Variants in MCPH1 observed in about 807,000 individuals in gnomAD.
MCPH1 encodes microcephalin.
In MCPH1, 104 loss-of-function variants were observed where a neutral mutation model predicts 84.5. The observed-to-expected ratio is 1.23, with a 90% CI of 1.05 to 1.45. MCPH1 has a LOEUF of 1.45. Ranked by LOEUF, MCPH1 falls within the 40% of genes most tolerant of loss-of-function variation. MCPH1 has a pLI of 0.00. For missense variants in MCPH1, 1,498 were observed against 1,005.7 expected (o/e 1.49, Z -6.62); for synonymous variants, 514 against 366.8 (o/e 1.40, Z -4.58).
chr8:6,489,462 A>G (rs1443899853), intron 11 of MCPH1, among the ~76,000 whole-genome samples: 1 of 152,204 alleles, frequency 6.6e-6, no homozygotes, highest in African/African-American at 2.4e-5. Flanking sequence ...AAGAGGAGAC[A>G]GAAGCCACTG....
rs1322488368 is a variant in MCPH1 at position 6,645,432 on chromosome 8, A to C, written c.*2383A>C. On this transcript the variant is annotated 3_prime_UTR_variant, in exon 14 of 14. Transcript: ENST00000344683. ...AGAGGTTCTCAGGATTCTGAATTTT[A>C]AAAAAAATTTGTAAAGGCTTATGGC... is the stretch of plus-strand genomic sequence containing the variant. 6.6e-6 allele frequency: 1 copy of C among 151,914 alleles called. No homozygotes were observed. The highest frequency in any genetic ancestry group is 1.5e-5 in the Non-Finnish European group (1 of 67,948). The allele number at this position is 151,914 out of a possible 1,614,324, so 9.4% of individuals were successfully genotyped here. A position where few individuals can be genotyped will look rare whatever the true frequency, so the allele number is the denominator to read the frequency against.
At chr8:6,589,943 G>A (rs868462851) in intron 12 of MCPH1, among the ~76,000 whole-genome samples, 1 of 152,170 alleles carries the variant, frequency 6.6e-6, no homozygotes, top group Non-Finnish European at 1.5e-5. Flanking sequence ...TAAAAGACTA[G>A]TTTTACTCTA....
At chr8:6,625,626 C>T in intron 13 of MCPH1, 1 of 985,216 alleles carries the variant, frequency 1.0e-6, no homozygotes, top group South Asian at 4.7e-5. Flanking sequence ...AAGGTAGGGT[C>T]CCTGAGCGTC....
intron 12 of MCPH1, among the ~76,000 whole-genome samples, chr8:6,504,142 C>T (rs1352345320): frequency 6.6e-6 from 1 of 151,880 alleles, no homozygotes; most frequent in Non-Finnish European, 1.5e-5. Context: ...CACGGTGAAA[C>T]CCCGTCTCTA....
chr8:6,444,341 T>C (rs1030553825), intron 7 of MCPH1, 52 bp from the exon 8 acceptor site: 2 of 1,607,758 alleles, frequency 1.2e-6, no homozygotes, highest in Admixed American at 1.7e-5. Context: ...AAGTTGAATA[T>C]AGAATAATTT....
At chr8:6,477,453 T>A (rs972475984) in intron 9 of MCPH1, 141 bp from the exon 10 acceptor site, 1 of 710,646 alleles carries the variant, frequency 1.4e-6, no homozygotes, top group East Asian at 2.7e-5. Context: ...AATATAAAGG[T>A]TTTTTTTCTT....
Position 6,624,211 on chromosome 8 carries a change from T to C in MCPH1, c.2452+2520T>C, listed in dbSNP as rs548954415. 3.3e-5 allele frequency among the ~76,000 whole-genome samples: 5 copies of C among 152,392 alleles called. No individual in the cohort carries two copies. The East Asian group carries it at 9.6e-4, about 29-fold the overall frequency. ...TCCCGCAAAGCCCTTCAGAGTTCTCTGACTTCCAGGCCTGGGCCACAGGCC... is the reference window on the plus strand; with the variant it reads ...TCCCGCAAAGCCCTTCAGAGTTCTCCGACTTCCAGGCCTGGGCCACAGGCC... On this transcript the variant is annotated intron_variant, in intron 13 of 13. Coordinates refer to ENST00000344683, the MANE Select transcript of MCPH1 (RefSeq NM_024596.5).
chr8:6,456,800 G>C (rs939289082), intron 9 of MCPH1, among the ~76,000 whole-genome samples: 2 of 152,190 alleles, frequency 1.3e-5, no homozygotes, highest in African/African-American at 4.8e-5. Flanking sequence ...TTTCAGACGA[G>C]TGGTATTGCC....
intron 10 of MCPH1, 97 bp from the exon 11 acceptor site, chr8:6,480,617 T>A (rs531696823): frequency 2.1e-6 from 3 of 1,437,796 alleles, no homozygotes; most frequent in Non-Finnish European, 2.9e-6. Flanking sequence ...AAATTTTGGC[T>A]TTCTAGTTTT....
intron 13 of MCPH1, among the ~76,000 whole-genome samples, chr8:6,641,735 C>T (rs1797949924): frequency 2.6e-5 from 4 of 152,212 alleles, no homozygotes; most frequent in African/African-American, 9.6e-5. Context: ...CTGAGCAAGA[C>T]CCTATCTCAA....
At chr8:6,556,939 C>G (rs889032285) in intron 12 of MCPH1, among the ~76,000 whole-genome samples, 2 of 152,198 alleles carry the variant, frequency 1.3e-5, no homozygotes, top group Non-Finnish European at 2.9e-5. Flanking sequence ...AGAACCAACA[C>G]TGCCTGGACA....
intron 12 of MCPH1, among the ~76,000 whole-genome samples, chr8:6,551,969 A>G (rs1484355814): frequency 2.0e-5 from 3 of 152,208 alleles, no homozygotes; most frequent in Non-Finnish European, 2.9e-5. Flanking sequence ...TAATACTTCA[A>G]CTATCTTCAG....
intron 12 of MCPH1, among the ~76,000 whole-genome samples, chr8:6,607,304 C>A (rs2129578816): frequency 6.6e-6 from 1 of 152,324 alleles, no homozygotes; most frequent in Non-Finnish European, 1.5e-5. Context: ...ACCATTAGCT[C>A]ACTCCCAGTT....
chr8:6,559,008 C>G (rs1433957373), intron 12 of MCPH1, among the ~76,000 whole-genome samples: 1 of 152,058 alleles, frequency 6.6e-6, no homozygotes, highest in Non-Finnish European at 1.5e-5. Flanking sequence ...TACTGCATTC[C>G]TTACTATATA....
intron 8 of MCPH1, among the ~76,000 whole-genome samples, chr8:6,451,408 C>G (rs1452708638): frequency 6.6e-6 from 1 of 152,174 alleles, no homozygotes; most frequent in East Asian, 1.9e-4. Context: ...AAGAACTTAG[C>G]TAAGTAGGGA....
chr8:6,475,660 A>G (rs758158270), intron 9 of MCPH1, among the ~76,000 whole-genome samples: 1 of 152,232 alleles, frequency 6.6e-6, no homozygotes, highest in Non-Finnish European at 1.5e-5. Flanking sequence ...AGAAGAATGA[A>G]TGAAGTGTCA....
intron 2 of MCPH1, among the ~76,000 whole-genome samples, chr8:6,410,576 A>G (rs1166233719): frequency 6.6e-6 from 1 of 152,190 alleles, no homozygotes; most frequent in African/African-American, 2.4e-5. Context: ...TGACTTAATA[A>G]TGTCCTTGAT....
intron 12 of MCPH1, among the ~76,000 whole-genome samples, chr8:6,590,791 G>C (rs902462802): frequency 1.3e-5 from 2 of 152,216 alleles, no homozygotes; most frequent in African/African-American, 4.8e-5. Flanking sequence ...GAAAATCGAG[G>C]CTGCCTCAGG....
intron 12 of MCPH1, among the ~76,000 whole-genome samples, chr8:6,504,317 C>CAAAAA (rs35379672): frequency 2.6e-4 from 22 of 85,780 alleles, no homozygotes; most frequent in Admixed American, 4.6e-4. Flanking sequence ...GACTCCAGCT[C>CAAAAA]AAAAAAAAAA....
Sources: gnomAD v4.1 joint callset for allele counts (sites outside exome capture counted in the v4.1 genomes callset) on GRCh38, gnomAD v4.1.1 for gene constraint, MANE v1.5 for transcripts, NCBI Gene and HGNC (gene_info 2026-07-23, HGNC 2026-07-21) for gene names.